PCNX1: variants seen among roughly 807,000 people sequenced by gnomAD.
PCNX1 encodes the protein pecanex 1, also known as pecanex-like protein 1.
A neutral mutation model predicts 242.2 loss-of-function variants in PCNX1; 78 were observed. The ratio of observed to expected loss-of-function variants is 0.32; its 90% CI spans 0.27 to 0.39. The LOEUF is 0.39. PCNX1 is among the 10% of genes least tolerant of loss of function. The pLI, the probability that PCNX1 is intolerant of heterozygous loss-of-function variation, is 1.00. For missense variants in PCNX1, 2,581 were observed against 2,856.5 expected (o/e 0.90, Z 2.20); for synonymous variants, 1,024 against 1,032.9 (o/e 0.99, Z 0.17).
At chr14:71,091,200 C>T (rs966176527) in intron 30 of PCNX1, among the ~76,000 whole-genome samples, 2 of 152,142 alleles carry the variant, frequency 1.3e-5, no homozygotes, top group African/African-American at 4.8e-5. Context: ...TCACAAACAA[C>T]AGCCATATAT....
chr14:70,925,884 G>A (rs886132385), intron 1 of PCNX1, among the ~76,000 whole-genome samples: 14 of 150,556 alleles, frequency 9.3e-5, no homozygotes, highest in Admixed American at 2.6e-4. Context: ...CCTTTTGACC[G>A]CCATAGCCAC....
intron 13 of PCNX1, among the ~76,000 whole-genome samples, chr14:71,024,904 C>T (rs2060199648): frequency 6.6e-6 from 1 of 152,148 alleles, no homozygotes; most frequent in Non-Finnish European, 1.5e-5. Flanking sequence ...AACCATTACT[C>T]TACTGTAATG....
At chr14:70,908,155 A>G (rs2055650865) in intron 1 of PCNX1, 152 bp downstream of exon 1, 3 of 671,296 alleles carry the variant, frequency 4.5e-6, no homozygotes, top group Admixed American at 8.4e-5. Flanking sequence ...GCGTGCTCCC[A>G]CTCCTCTCTT....
rs8019019 is a variant in PCNX1, at chr14:70,978,353, G to A, written c.2016G>A (p.Lys672=). 9,381 of 1,614,142 alleles carry A rather than the reference G, an allele frequency of 5.8e-3. 449 individuals carry two copies. The African/African-American group carries it at 0.11, about 19-fold the overall frequency. The change falls in exon 6 of 36, where the codon AAG becomes AAA. Residue 672 remains lysine, a synonymous_variant. Coordinates refer to ENST00000304743, the MANE Select transcript of PCNX1 (RefSeq NM_014982.3). The part of the protein sequence containing the change: ...AHLVPEGTSK[K]RATRRTSSTN... ...TGGTTCCTGAAGGAACCAGCAAAAAGCGTGCAACACGACGGACTTCTAGCA... is the reference window on the plus strand; with the variant it reads ...TGGTTCCTGAAGGAACCAGCAAAAAACGTGCAACACGACGGACTTCTAGCA...
intron 21 of PCNX1, 29 bp downstream of exon 21, chr14:71,047,134 T>G: frequency 7.4e-7 from 1 of 1,346,476 alleles, no homozygotes; most frequent in East Asian, 2.5e-5. Context: ...TAATATTGTC[T>G]GACTACTGGG....
intron 26 of PCNX1, among the ~76,000 whole-genome samples, chr14:71,070,146 G>A (rs772637533): frequency 6.6e-6 from 1 of 152,092 alleles, no homozygotes; most frequent in African/African-American, 2.4e-5. Flanking sequence ...AGCTCTTTAC[G>A]TTTTATCAGG....
intron 30 of PCNX1, among the ~76,000 whole-genome samples, chr14:71,100,176 G>A (rs1322472339): frequency 1.3e-5 from 2 of 152,112 alleles, no homozygotes; most frequent in African/African-American, 2.4e-5. Context: ...CTACTGTATG[G>A]TTGCTTTATA....
intron 11 of PCNX1, among the ~76,000 whole-genome samples, chr14:71,014,636 G>T (rs1019442294): frequency 9.9e-5 from 15 of 152,252 alleles, no homozygotes; most frequent in African/African-American, 3.6e-4. Flanking sequence ...TAGAAGAAAA[G>T]ATTATTGAAC....
intron 22 of PCNX1, among the ~76,000 whole-genome samples, chr14:71,048,644 A>G (rs1406433808): frequency 1.3e-5 from 2 of 152,244 alleles, no homozygotes; most frequent in African/African-American, 4.8e-5. Flanking sequence ...ACTTTGACAT[A>G]CATTATCCCA....
intron 27 of PCNX1, among the ~76,000 whole-genome samples, chr14:71,074,848 T>C (rs927416576): frequency 3.3e-5 from 5 of 152,144 alleles, no homozygotes; most frequent in African/African-American, 1.2e-4. Context: ...GATACTCTTA[T>C]TTTTGCTAAA....
intron 8 of PCNX1, among the ~76,000 whole-genome samples, chr14:71,002,771 G>T (rs1369189063): frequency 1.3e-5 from 2 of 152,170 alleles, no homozygotes; most frequent in African/African-American, 4.8e-5. Flanking sequence ...GGCGATGGTT[G>T]TGTTGTTTCC....
chr14:71,024,492 T>C (rs1566714400), intron 13 of PCNX1, among the ~76,000 whole-genome samples: 1 of 152,126 alleles, frequency 6.6e-6, no homozygotes, highest in Non-Finnish European at 1.5e-5. Context: ...TTGTCTGATG[T>C]TTTTTCTTTA....
intron 16 of PCNX1, among the ~76,000 whole-genome samples, chr14:71,030,432 G>A (rs1056188605): frequency 5.3e-5 from 8 of 152,010 alleles, no homozygotes; most frequent in South Asian, 2.1e-4. Flanking sequence ...TAAACCATCC[G>A]AGAGCTGCAT....
chr14:71,012,838 AGT>A (rs920509952), intron 10 of PCNX1, 145 bp from the exon 11 acceptor site: 7 of 613,820 alleles, frequency 1.1e-5, no homozygotes, highest in Admixed American at 2.9e-5. Context: ...AAAAAAAAAA[AGT>A]GTATGAGAGA....
At chr14:70,931,642 TTC>T (rs1259912158) in intron 1 of PCNX1, among the ~76,000 whole-genome samples, 1 of 152,228 alleles carries the variant, frequency 6.6e-6, no homozygotes, top group Non-Finnish European at 1.5e-5. Flanking sequence ...TAATTTTTAG[TTC>T]TTTTTCTACA....
intron 11 of PCNX1, among the ~76,000 whole-genome samples, chr14:71,017,181 A>T (rs926792041): frequency 6.6e-6 from 1 of 152,230 alleles, no homozygotes; most frequent in African/African-American, 2.4e-5. Flanking sequence ...ATTCTGAAAG[A>T]ACTACATGAC....
chr14:70,944,910 A>G (rs969587161), intron 1 of PCNX1, among the ~76,000 whole-genome samples: 5 of 152,136 alleles, frequency 3.3e-5, no homozygotes, highest in Non-Finnish European at 7.3e-5. Flanking sequence ...GCCTTCTGCC[A>G]TGATTGTAAG....
intron 33 of PCNX1, among the ~76,000 whole-genome samples, chr14:71,106,242 T>A (rs1027097306): frequency 1.3e-5 from 2 of 151,838 alleles, no homozygotes; most frequent in African/African-American, 4.8e-5. Flanking sequence ...ATGGTCTCGA[T>A]CTCCTGACCT....
At chr14:71,100,941 G>C (rs1197113847) in intron 30 of PCNX1, among the ~76,000 whole-genome samples, 1 of 152,070 alleles carries the variant, frequency 6.6e-6, no homozygotes, top group Non-Finnish European at 1.5e-5. Flanking sequence ...GAAAATGCAG[G>C]TATTATCAAC....
Sources: allele counts gnomAD v4.1 joint callset (sites outside exome capture counted in the v4.1 genomes callset), GRCh38; gene constraint gnomAD v4.1.1; transcripts MANE v1.5; gene names NCBI Gene and HGNC (gene_info 2026-07-23, HGNC 2026-07-21).